The following CIAO2A variants were observed in gnomAD, a reference collection of about 807,000 sequenced individuals.
The protein encoded by CIAO2A is MIP18 family protein FAM96A.
Under a neutral mutation model 22.4 loss-of-function variants are expected in CIAO2A, and 17 were observed. The ratio of observed to expected loss-of-function variants is 0.76; its 90% CI spans 0.52 to 1.14. The LOEUF (loss-of-function observed/expected upper bound fraction) is 1.14. Among genes scored for constraint, CIAO2A ranks in the 50% most tolerant of loss-of-function variants. The probability of loss-of-function intolerance (pLI) is 0.00; values close to 1 mark genes in which losing one functional copy is unlikely to be tolerated. For missense variants in CIAO2A, 192 were observed against 191.4 expected, an observed-to-expected ratio of 1.00 and a Z score of -0.02; for synonymous variants, 74 against 72.3, an observed-to-expected ratio of 1.02 and a Z score of -0.12.
intron 2 of CIAO2A, among the ~76,000 whole-genome samples, chr15:64,087,158 C>T (rs558355451): frequency 2.3e-5 from 3 of 131,668 alleles, no homozygotes; most frequent in Non-Finnish European, 4.7e-5. Flanking sequence ...GTGGTGCAAT[C>T]TCGGCTCACT....
At position 64,081,404 on chromosome 15, in the gene CIAO2A, C is replaced by T. The variant is rs190814317; in HGVS notation, c.290-253G>A. On this transcript the variant is annotated intron_variant, in intron 2 of 4. Coordinates refer to ENST00000300030, the MANE Select transcript of CIAO2A (RefSeq NM_032231.7). ...ACAAATTATTAAACCAAAGTCACAA[C>T]GTAACTTCCTCAAGGTCACTGAGTT... Among the ~76,000 whole-genome samples, 201 of 152,234 alleles carry T rather than the reference C, an allele frequency of 1.3e-3. 2 individuals carry two copies. The highest frequency in any genetic ancestry group is 1.1e-3 in the Non-Finnish European group (76 of 68,032).
chr15:64,092,395 CAA>C (rs987270314), intron 1 of CIAO2A, among the ~76,000 whole-genome samples: 65 of 152,308 alleles, frequency 4.3e-4, no homozygotes, highest in Middle Eastern at 3.4e-3. Flanking sequence ...CTCTTTATTT[CAA>C]AGTCTTTCTA....
At chr15:64,076,990 G>T (rs1200044267) in intron 3 of CIAO2A, among the ~76,000 whole-genome samples, 1 of 152,108 alleles carries the variant, frequency 6.6e-6, no homozygotes, top group Admixed American at 6.6e-5. Context: ...ATAGGCGTGA[G>T]CCACTGCACC....
intron 1 of CIAO2A, among the ~76,000 whole-genome samples, chr15:64,090,687 G>A (rs956973441): frequency 1.3e-5 from 2 of 152,200 alleles, no homozygotes; most frequent in African/African-American, 4.8e-5. Context: ...AGTTTCAGTA[G>A]AGAGTGCGTG....
intron 3 of CIAO2A, 98 bp downstream of exon 3, chr15:64,081,004 T>C: frequency 1.7e-6 from 2 of 1,190,772 alleles, no homozygotes; most frequent in Non-Finnish European, 2.4e-6. Flanking sequence ...AACCACTGAA[T>C]TGGTACACTT....
intron 4 of CIAO2A, chr15:64,074,722 AT>A (rs1440967379): frequency 3.9e-5 from 6 of 152,004 alleles, no homozygotes; most frequent in Admixed American, 3.9e-4. Flanking sequence ...TATGTAGGAG[AT>A]TTTGTGTGTC....
intron 2 of CIAO2A, among the ~76,000 whole-genome samples, chr15:64,087,825 T>C (rs980666606): frequency 6.7e-6 from 1 of 148,348 alleles, no homozygotes; most frequent in Middle Eastern, 3.4e-3. Flanking sequence ...CCACCACCAC[T>C]ATTACCCGCT....
chr15:64,081,256 G>A (rs1195256750), intron 2 of CIAO2A, 105 bp from the exon 3 acceptor site: 5 of 1,046,162 alleles, frequency 4.8e-6, no homozygotes, highest in Non-Finnish European at 7.1e-6. Context: ...CACAGTTGCT[G>A]AAAACAGCTT....
chr15:64,076,786 G>A (rs574024398), intron 3 of CIAO2A, among the ~76,000 whole-genome samples: 6 of 147,802 alleles, frequency 4.1e-5, no homozygotes, highest in South Asian at 2.1e-4. Flanking sequence ...GTGCAGTGGC[G>A]CGATCATGTC....
intron 3 of CIAO2A, 116 bp from the exon 4 acceptor site, chr15:64,075,653 CTTT>C (rs147717856): frequency 3.9e-3 from 1,472 of 380,412 alleles, no homozygotes; most frequent in South Asian, 5.6e-3. Context: ...AATCCTGTTT[CTTT>C]TTTTTTTTTT....
intron 2 of CIAO2A, among the ~76,000 whole-genome samples, chr15:64,083,355 G>A (rs953950283): frequency 6.6e-6 from 1 of 152,056 alleles, no homozygotes; most frequent in African/African-American, 2.4e-5. Context: ...CCCTAAGACC[G>A]TTCCCATTGG....
chr15:64,075,906 G>A (rs996564513), intron 3 of CIAO2A, among the ~76,000 whole-genome samples: 15 of 151,124 alleles, frequency 9.9e-5, no homozygotes, highest in East Asian at 3.9e-4. Flanking sequence ...CAGGTGATCC[G>A]CCTCGGCTTC....
At chr15:64,085,344 C>G (rs2080785852) in intron 2 of CIAO2A, among the ~76,000 whole-genome samples, 1 of 152,032 alleles carries the variant, frequency 6.6e-6, no homozygotes, top group Non-Finnish European at 1.5e-5. Context: ...GGCAACATGG[C>G]AAAACTAGCC....
chr15:64,078,509 G>T (rs866294808), intron 3 of CIAO2A, among the ~76,000 whole-genome samples: 1 of 152,040 alleles, frequency 6.6e-6, no homozygotes, highest in Non-Finnish European at 1.5e-5. Context: ...GGTGGTATGC[G>T]CCTGTAATCC....
chr15:64,090,212 G>A (rs2613106), intron 1 of CIAO2A: 42,540 of 166,358 alleles, frequency 0.26, 6,087 homozygotes, highest in South Asian at 0.51. Context: ...GCGTGGTGCC[G>A]GGCGCCTGTA....
At chr15:64,079,822 T>A (rs936437644) in intron 3 of CIAO2A, among the ~76,000 whole-genome samples, 4 of 152,190 alleles carry the variant, frequency 2.6e-5, no homozygotes, top group African/African-American at 9.6e-5. Context: ...TTAGACTTTA[T>A]GAAAATTTAA....
intron 3 of CIAO2A, among the ~76,000 whole-genome samples, chr15:64,078,905 G>GAT (rs1161842551): frequency 6.6e-6 from 1 of 152,038 alleles, no homozygotes; most frequent in Non-Finnish European, 1.5e-5. Context: ...GCTGGGCATG[G>GAT]TGGCATATAC....
chr15:64,088,771 C>T lies in CIAO2A; in HGVS notation c.205G>A (p.Val69Ile), dbSNP rs749970749. The T allele has an allele frequency of 6.2e-7, 1 of 1,614,078 alleles. No individual in the cohort carries two copies. The highest frequency in any genetic ancestry group is 1.1e-5 in the South Asian group (1 of 91,068). The change falls in exon 2 of 5, where the codon GTT becomes ATT. Residue 69 changes from valine to isoleucine, a missense_variant. Val to Ile is a conservative substitution (Grantham distance 29). Transcript: ENST00000300030. ...LEVVSESCVE[V>I]QEINEEEYLV... is the part of the protein sequence containing the mutation. ...TATTCTTCTTCATTTATCTCCTGAACTTCCACACAACTTTCCGAGACCACT... is the reference window on the plus strand; with the variant it reads ...TATTCTTCTTCATTTATCTCCTGAATTTCCACACAACTTTCCGAGACCACT...
chr15:64,072,950 C>G lies in CIAO2A; in HGVS notation c.464G>C (p.Cys155Ser). 6.2e-7 allele frequency: 1 copy of G among 1,613,168 alleles called. No homozygotes were observed. Among genetic ancestry groups the G allele is most frequent in the South Asian group, 1.1e-5 (1 of 91,020 alleles). ...CAGCTATCAGTCAGGTTCAAGGACA[C>G]ACTGTTCCACAATTTCCCGTAAGTT... ...NPNLREIVEQ[C>S]VLEPD The change falls in exon 5 of 5, where the codon TGT becomes TCT. Residue 155 changes from cysteine to serine, a missense_variant. By Grantham distance (112) the Cys-to-Ser change is moderately radical (BLOSUM62 -1). Transcript: ENST00000300030.
Sources: gnomAD v4.1 joint callset for allele counts (sites outside exome capture counted in the v4.1 genomes callset) on GRCh38, gnomAD v4.1.1 for gene constraint, MANE v1.5 for transcripts, NCBI Gene and HGNC (gene_info 2026-07-23, HGNC 2026-07-21) for gene names.